Variants in GRIP1 observed in about 807,000 individuals in gnomAD.
GRIP1 encodes glutamate receptor-interacting protein 1.
A neutral mutation model predicts 129.9 loss-of-function variants in GRIP1; 45 were observed. The ratio of observed to expected loss-of-function variants is 0.35; its 90% CI spans 0.27 to 0.44. GRIP1 has a LOEUF of 0.44. Among genes scored for constraint, GRIP1 ranks in the 20% least tolerant of loss-of-function variants. The pLI is 1.00. For synonymous variants in GRIP1, 530 were observed against 520.8 expected, an observed-to-expected ratio of 1.02 and a Z score of -0.24; for missense variants, 1,196 against 1,396.8, an observed-to-expected ratio of 0.86 and a Z score of 2.29.
At chr12:67,027,924 G>A (rs187200920) in intron 1 of GRIP1, among the ~76,000 whole-genome samples, 6 of 152,328 alleles carry the variant, frequency 3.9e-5, no homozygotes, top group East Asian at 3.9e-4. Flanking sequence ...GATCATTTAA[G>A]TCTAGTGAGG....
chr12:66,758,723 CCAAA>C (rs1307925224), intron 1 of GRIP1, among the ~76,000 whole-genome samples: 1 of 152,098 alleles, frequency 6.6e-6, no homozygotes, highest in Non-Finnish European at 1.5e-5. Flanking sequence ...AGAAATTGGC[CCAAA>C]CAAAGGGGAT....
intron 1 of GRIP1, among the ~76,000 whole-genome samples, chr12:66,822,639 G>A (rs944338906): frequency 4.6e-5 from 7 of 152,040 alleles, no homozygotes; most frequent in Non-Finnish European, 8.8e-5. Context: ...AAGAAAATGT[G>A]GTACCTATAC....
At chr12:66,700,648 C>T (rs543877021) in intron 1 of GRIP1, among the ~76,000 whole-genome samples, 1 of 152,138 alleles carries the variant, frequency 6.6e-6, no homozygotes, top group South Asian at 2.1e-4. Flanking sequence ...GTGTTTTAGA[C>T]ACACTGCTCT....
intron 13 of GRIP1, among the ~76,000 whole-genome samples, chr12:66,441,835 A>G (rs1161311475): frequency 2.0e-5 from 3 of 152,184 alleles, no homozygotes; most frequent in Non-Finnish European, 4.4e-5. Context: ...CTTCTCAGCT[A>G]AAGACATCAC....
At chr12:66,390,532 C>T (rs1402921487) in intron 19 of GRIP1, among the ~76,000 whole-genome samples, 1 of 152,104 alleles carries the variant, frequency 6.6e-6, no homozygotes, top group Non-Finnish European at 1.5e-5. Context: ...TCATCTTTTA[C>T]TAGTGAGGGG....
intron 1 of GRIP1, among the ~76,000 whole-genome samples, chr12:66,669,421 AT>A (rs1216323903): frequency 1.3e-5 from 2 of 150,526 alleles, no homozygotes; most frequent in East Asian, 3.9e-4. Flanking sequence ...AAATATTAAC[AT>A]TATCCATTCG....
intron 1 of GRIP1, among the ~76,000 whole-genome samples, chr12:66,778,524 T>G (rs2038059585): frequency 1.3e-5 from 2 of 152,072 alleles, no homozygotes; most frequent in African/African-American, 4.8e-5. Flanking sequence ...CTAGAGGAAA[T>G]AGTGTATAAA....
chr12:66,810,375 T>C (rs1361430810), intron 1 of GRIP1, among the ~76,000 whole-genome samples: 6 of 152,086 alleles, frequency 3.9e-5, no homozygotes, highest in African/African-American at 1.4e-4. Context: ...CTGGCCAACA[T>C]GGTGAAACCC....
At chr12:66,447,312 A>G (rs919422885) in intron 11 of GRIP1, among the ~76,000 whole-genome samples, 14 of 152,066 alleles carry the variant, frequency 9.2e-5, no homozygotes, top group African/African-American at 3.4e-4. Flanking sequence ...TGCCCGGTCA[A>G]CTCCACTGTT....
At position 66,962,303 on chromosome 12, in the gene GRIP1, T is replaced by G. The variant is rs1193704809; in HGVS notation, c.58+106747A>C. ...GATTAATATATTATCGTAAACAATT[T>G]TATGCAAAGAAACTTCCACATTGAA... is the stretch of plus-strand genomic sequence containing the variant. On this transcript the variant is annotated intron_variant, in intron 1 of 1. Coordinates refer to the GRIP1 transcript ENST00000643019. Among the ~76,000 whole-genome samples the G allele has an allele frequency of 2.6e-5, 4 of 152,244 alleles. No individual in the cohort carries two copies. In the East Asian group the frequency reaches 5.8e-4, roughly 22 times the overall value.
chr12:66,708,401 G>T (rs2136387610), intron 1 of GRIP1, among the ~76,000 whole-genome samples: 1 of 152,088 alleles, frequency 6.6e-6, no homozygotes, highest in East Asian at 1.9e-4. Flanking sequence ...CTTTAAGGCT[G>T]TTAATTCAAG....
At chr12:66,417,931 A>G (rs1181415171) in intron 15 of GRIP1, among the ~76,000 whole-genome samples, 1 of 152,198 alleles carries the variant, frequency 6.6e-6, no homozygotes, top group Non-Finnish European at 1.5e-5. Flanking sequence ...GAAATAGAGA[A>G]AAGTATCCTA....
intron 1 of GRIP1, among the ~76,000 whole-genome samples, chr12:66,791,941 T>C (rs1393205514): frequency 3.3e-5 from 5 of 152,090 alleles, no homozygotes; most frequent in South Asian, 2.1e-4. Context: ...ATTCCTGAGT[T>C]AGAGAAGTCA....
intron 1 of GRIP1, among the ~76,000 whole-genome samples, chr12:66,644,015 A>G (rs2136104224): frequency 6.6e-6 from 1 of 152,304 alleles, no homozygotes; most frequent in African/African-American, 2.4e-5. Context: ...AGGCCTTAGA[A>G]TCATGGTGGG....
intron 1 of GRIP1, among the ~76,000 whole-genome samples, chr12:66,718,328 C>G (rs1046969546): frequency 1.3e-5 from 2 of 151,922 alleles, no homozygotes; most frequent in African/African-American, 4.8e-5. Context: ...ATTTTACAGG[C>G]AGAAAAAGAG....
chr12:66,376,216 C>T lies in GRIP1; in HGVS notation c.2778+801G>A, dbSNP rs1200795713. 5.3e-5 allele frequency among the ~76,000 whole-genome samples: 8 copies of T among 152,140 alleles called. No individual in the cohort carries two copies. The East Asian group carries it at 9.6e-4, about 18-fold the overall frequency. ...CTTTATAATTCTCTTTGCAGATTCA[C>T]AAACATTAGAATCACATAAAATAAC... On this transcript the variant is annotated intron_variant, in intron 22 of 24. Transcript: ENST00000359742.
chr12:66,517,212 T>C (rs1237442565), intron 6 of GRIP1, among the ~76,000 whole-genome samples: 1 of 152,116 alleles, frequency 6.6e-6, no homozygotes, highest in African/African-American at 2.4e-5. Flanking sequence ...GAGTCAACTT[T>C]TGCTGTGGGA....
intron 1 of GRIP1, among the ~76,000 whole-genome samples, chr12:66,601,881 T>A (rs919791398): frequency 6.6e-6 from 1 of 152,152 alleles, no homozygotes; most frequent in Non-Finnish European, 1.5e-5. Flanking sequence ...ATGTGCAAAC[T>A]AAGACTAAAA....
upstream of GRIP1, among the ~76,000 whole-genome samples, chr12:66,684,007 C>T (rs967211682): frequency 2.0e-5 from 3 of 152,250 alleles, no homozygotes; most frequent in Non-Finnish European, 4.4e-5. Context: ...TAAATGGCTG[C>T]GTGACCTTGG....
Sources: gnomAD v4.1 joint callset for allele counts (sites outside exome capture counted in the v4.1 genomes callset) on GRCh38, gnomAD v4.1.1 for gene constraint, MANE v1.5 for transcripts, NCBI Gene and HGNC (gene_info 2026-07-23, HGNC 2026-07-21) for gene names.